The following MYO1E variants were observed in gnomAD, a reference collection of about 807,000 sequenced individuals.
The protein encoded by MYO1E is myosin IE.
MYO1E carries 68 observed loss-of-function variants against 151.1 expected under a neutral mutation model. That is an observed-to-expected ratio of 0.45 (90% CI 0.37 to 0.55). The LOEUF is 0.55. MYO1E is among the 20% of genes least tolerant of loss of function. The pLI, the probability that MYO1E is intolerant of heterozygous loss-of-function variation, is 0.00. For missense variants in MYO1E, 1,363 were observed against 1,389.3 expected (o/e 0.98, Z 0.30); for synonymous variants, 601 against 501.7 (o/e 1.20, Z -2.64).
chr15:59,277,107 A>T (rs936120320), intron 1 of MYO1E, among the ~76,000 whole-genome samples: 2 of 152,224 alleles, frequency 1.3e-5, no homozygotes, highest in Non-Finnish European at 2.9e-5. Flanking sequence ...CACCCCGTAC[A>T]GGGCAGTGGG....
At chr15:59,363,748 G>A (rs1264410386) in intron 1 of MYO1E, among the ~76,000 whole-genome samples, 1 of 152,088 alleles carries the variant, frequency 6.6e-6, no homozygotes, top group African/African-American at 2.4e-5. Flanking sequence ...CCACTATATG[G>A]GGAGCTTCTC....
intron 1 of MYO1E, among the ~76,000 whole-genome samples, chr15:59,294,384 G>C (rs1226614072): frequency 6.6e-6 from 1 of 152,084 alleles, no homozygotes; most frequent in Non-Finnish European, 1.5e-5. Flanking sequence ...CCTCTTATCT[G>C]GAATCTCACT....
chr15:59,201,694 G>A (rs777560316), intron 16 of MYO1E, among the ~76,000 whole-genome samples: 8 of 152,136 alleles, frequency 5.3e-5, no homozygotes, highest in African/African-American at 1.2e-4. Context: ...GTGAGCCACC[G>A]CACCCAGCCC....
chr15:59,362,323 A>G (rs981384913), intron 1 of MYO1E, among the ~76,000 whole-genome samples: 3 of 152,184 alleles, frequency 2.0e-5, no homozygotes, highest in Non-Finnish European at 4.4e-5. Flanking sequence ...GCATATTGAT[A>G]CCATATTATC....
chr15:59,204,428 G>T (rs553366324), intron 15 of MYO1E, among the ~76,000 whole-genome samples: 1 of 152,214 alleles, frequency 6.6e-6, no homozygotes. Flanking sequence ...CCTTGCTATT[G>T]TGACAGCTTA....
At chr15:59,220,106 GA>G (rs1199758421) in intron 9 of MYO1E, among the ~76,000 whole-genome samples, 1 of 152,192 alleles carries the variant, frequency 6.6e-6, no homozygotes. Flanking sequence ...GTAAAGGTTT[GA>G]CCAGGGAAAT....
At position 59,137,345 on chromosome 15, in the gene MYO1E, G is replaced by A; in HGVS notation, c.*35C>T. On this transcript the variant is annotated 3_prime_UTR_variant, in exon 28 of 28. Coordinates refer to ENST00000288235, the MANE Select transcript of MYO1E (RefSeq NM_004998.4). ...TCCCCTCCCCTGGTCTGTGCCTGGA[G>A]CTCCTCTGCCCCATGTGTCAGAGTC... 6.3e-7 allele frequency: 1 copy of A among 1,585,550 alleles called. No homozygotes were observed. The highest frequency in any genetic ancestry group is 8.7e-7 in the Non-Finnish European group (1 of 1,154,090).
At chr15:59,215,658 A>G (rs1356099297) in intron 10 of MYO1E, among the ~76,000 whole-genome samples, 2 of 152,214 alleles carry the variant, frequency 1.3e-5, no homozygotes, top group African/African-American at 4.8e-5. Flanking sequence ...ACAAAATGAA[A>G]TATCATCTTT....
chr15:59,303,781 C>T (rs2080497745), intron 1 of MYO1E, among the ~76,000 whole-genome samples: 2 of 152,068 alleles, frequency 1.3e-5, no homozygotes, highest in South Asian at 4.2e-4. Context: ...TGACTGCACA[C>T]AAAACCATTG....
At chr15:59,260,381 A>T (rs1257854125) in intron 3 of MYO1E, among the ~76,000 whole-genome samples, 1 of 152,236 alleles carries the variant, frequency 6.6e-6, no homozygotes, top group East Asian at 1.9e-4. Flanking sequence ...AGCACCATTC[A>T]TCTGGCAACA....
At chr15:59,330,200 C>CTGAAGGAGAATTTTT (rs1488335241) in intron 1 of MYO1E, among the ~76,000 whole-genome samples, 1 of 152,092 alleles carries the variant, frequency 6.6e-6, no homozygotes, top group East Asian at 1.9e-4. Flanking sequence ...CTTGAAATGG[C>CTGAAGGAGAATTTTT]TGAAGGAGAA....
chr15:59,188,088 TAAA>T, intron 18 of MYO1E, 27 bp downstream of exon 18: 1 of 1,526,546 alleles, frequency 6.6e-7, no homozygotes, highest in Non-Finnish European at 9.1e-7. Context: ...AAACCTGTTT[TAAA>T]AAAGGCCAGA....
At chr15:59,278,408 G>A (rs902850670) in intron 1 of MYO1E, among the ~76,000 whole-genome samples, 20 of 152,116 alleles carry the variant, frequency 1.3e-4, no homozygotes, top group Admixed American at 7.2e-4. Context: ...AACAGGAAAG[G>A]GACTACCTAT....
intron 4 of MYO1E, among the ~76,000 whole-genome samples, chr15:59,239,209 A>AAAAT (rs1566989133): frequency 1.2e-4 from 14 of 121,040 alleles, no homozygotes; most frequent in Non-Finnish European, 1.6e-4. Flanking sequence ...TGTGTCAAAA[A>AAAAT]ATATATATAT....
At chr15:59,363,625 C>T (rs1486446344) in intron 1 of MYO1E, among the ~76,000 whole-genome samples, 1 of 152,156 alleles carries the variant, frequency 6.6e-6, no homozygotes, top group Non-Finnish European at 1.5e-5. Flanking sequence ...CTAAGTAATT[C>T]CCCTCCCCTC....
chr15:59,359,043 T>G (rs1184992589), intron 1 of MYO1E, among the ~76,000 whole-genome samples: 1 of 152,208 alleles, frequency 6.6e-6, no homozygotes, highest in Non-Finnish European at 1.5e-5. Flanking sequence ...AGAATGAATA[T>G]GGACACAAAC....
intron 1 of MYO1E, among the ~76,000 whole-genome samples, chr15:59,320,216 G>C (rs1469352354): frequency 6.6e-6 from 1 of 152,154 alleles, no homozygotes; most frequent in Non-Finnish European, 1.5e-5. Context: ...TCCATTGGAA[G>C]AATCAATATC....
At chr15:59,265,231 T>C (rs1418954991) in intron 2 of MYO1E, among the ~76,000 whole-genome samples, 1 of 152,168 alleles carries the variant, frequency 6.6e-6, no homozygotes, top group Non-Finnish European at 1.5e-5. Context: ...GTAAAGGGAA[T>C]GTGGTTACTG....
intron 14 of MYO1E, chr15:59,208,349 C>T (rs1364682066): frequency 1.8e-6 from 1 of 551,076 alleles, no homozygotes; most frequent in Non-Finnish European, 3.2e-6. Context: ...ATTTGGTTCC[C>T]AAAAAGTAGG....
Sources: allele counts gnomAD v4.1 joint callset (sites outside exome capture counted in the v4.1 genomes callset), GRCh38; gene constraint gnomAD v4.1.1; transcripts MANE v1.5; gene names NCBI Gene and HGNC (gene_info 2026-07-23, HGNC 2026-07-21).